Variants in SLCO1B3 observed in about 807,000 individuals in gnomAD.
SLCO1B3 encodes solute carrier organic anion transporter family member 1B3.
SLCO1B3 carries 72 observed loss-of-function variants against 71.8 expected under a neutral mutation model. That is an observed-to-expected ratio of 1.00 (90% CI 0.83 to 1.22). The LOEUF (loss-of-function observed/expected upper bound fraction) is 1.22. Ranked by LOEUF, SLCO1B3 falls within the 50% of genes most tolerant of loss-of-function variation. SLCO1B3 has a pLI of 0.00. For synonymous variants in SLCO1B3, 298 were observed against 278.4 expected (o/e 1.07, Z -0.70); for missense variants, 911 against 819.7 (o/e 1.11, Z -1.36).
At chr12:20,908,645 C>T (rs1221473797) in intron 15 of SLCO1B3, among the ~76,000 whole-genome samples, 2 of 152,168 alleles carry the variant, frequency 1.3e-5, no homozygotes, top group Non-Finnish European at 2.9e-5. Flanking sequence ...CATTTTGTAG[C>T]CTTTTCAGAG....
rs892903423 is a variant in SLCO1B3, at chr12:20,862,431, G to A, written c.501G>A (p.Gly167=). The A allele has an allele frequency of 3.1e-6, 5 of 1,612,302 alleles. No individual in the cohort carries two copies. The African/African-American group carries it at 5.3e-5, about 17-fold the overall frequency. ...CGATAGATTGTGTAAAGGAATCTGG[G>A]TCACACATGTGGATCTATGTCTTCA... ...IVEKDCVKES[G]SHMWIYVFMG... is the part of the protein sequence containing the mutation. The change falls in exon 7 of 16, where the codon GGG becomes GGA. Residue 167 remains glycine (G), a synonymous_variant. Coordinates refer to ENST00000381545, the MANE Select transcript of SLCO1B3 (RefSeq NM_019844.4).
chr12:20,846,192 GAGAATAGTT>G lies in SLCO1B3; in HGVS notation c.85-8826_85-8818del, dbSNP rs1382405893. 6.6e-5 allele frequency among the ~76,000 whole-genome samples: 10 copies of G among 152,032 alleles called. No homozygotes were observed. In the South Asian group the frequency reaches 1.2e-3, roughly 19 times the overall value. ...TGACATTGTTTTCCTTTATATCAAA[GAGAATAGTT>G]AGAATAGTTCTTTCAAAATTCTGGT... is the stretch of plus-strand genomic sequence containing the variant. On this transcript the variant is annotated intron_variant, in intron 3 of 15. Coordinates refer to ENST00000381545, the MANE Select transcript of SLCO1B3 (RefSeq NM_019844.4).
At chr12:20,872,724 ATGT>A (rs1865497299) in intron 8 of SLCO1B3, among the ~76,000 whole-genome samples, 1 of 152,070 alleles carries the variant, frequency 6.6e-6, no homozygotes, top group Admixed American at 6.6e-5. Flanking sequence ...GTGCCTAGAA[ATGT>A]TGTCCATGAG....
intron 3 of SLCO1B3, among the ~76,000 whole-genome samples, chr12:20,836,769 G>C (rs1864690842): frequency 6.6e-6 from 1 of 152,072 alleles, no homozygotes; most frequent in South Asian, 2.1e-4. Context: ...AGCCTCCTGA[G>C]TAGCTGGGAC....
At chr12:20,867,977 A>G (rs553140988) in intron 8 of SLCO1B3, among the ~76,000 whole-genome samples, 1 of 152,224 alleles carries the variant, frequency 6.6e-6, no homozygotes, top group African/African-American at 2.4e-5. Flanking sequence ...TACCTGTTCA[A>G]TGTGAAGAGA....
At chr12:20,837,551 T>C (rs572417463) in intron 3 of SLCO1B3, among the ~76,000 whole-genome samples, 42 of 152,276 alleles carry the variant, frequency 2.8e-4, no homozygotes, top group African/African-American at 9.1e-4. Flanking sequence ...TAAAAACTTA[T>C]CTTGAGATTT....
At chr12:20,897,053 TC>T (rs1866023324) in intron 13 of SLCO1B3, among the ~76,000 whole-genome samples, 1 of 152,096 alleles carries the variant, frequency 6.6e-6, no homozygotes, top group Non-Finnish European at 1.5e-5. Context: ...ACCGGATCCC[TC>T]CCACAACACG....
intron 13 of SLCO1B3, among the ~76,000 whole-genome samples, chr12:20,888,346 A>G (rs1368213529): frequency 2.0e-5 from 3 of 151,262 alleles, no homozygotes; most frequent in African/African-American, 7.3e-5. Context: ...ATGTTTTTCT[A>G]TTTTTTTTGT....
Position 20,862,828 on chromosome 12 carries a change from A to G in SLCO1B3, c.701A>G (p.Tyr234Cys). Residue 234 changes from tyrosine to cysteine, a missense_variant, in exon 8 of 16, where the codon TAC becomes TGC. Coordinates refer to ENST00000381545, the MANE Select transcript of SLCO1B3 (RefSeq NM_019844.4). ...FALGSLFAKM[Y>C]VDIGYVDLST... ...CTGGGATCTCTGTTTGCTAAAATGT[A>G]CGTGGATATTGGATATGTAGATCTG... The G allele has an allele frequency of 6.3e-7, 1 of 1,597,938 alleles. No individual in the cohort carries two copies.
intron 3 of SLCO1B3, among the ~76,000 whole-genome samples, chr12:20,833,612 T>C (rs1864594410): frequency 6.7e-6 from 1 of 148,294 alleles, no homozygotes; most frequent in African/African-American, 2.4e-5. Flanking sequence ...CTATATATAG[T>C]ATATAAAATA....
chr12:20,905,131 T>A (rs187462563), intron 15 of SLCO1B3, among the ~76,000 whole-genome samples: 1 of 152,270 alleles, frequency 6.6e-6, no homozygotes, highest in Admixed American at 6.5e-5. Flanking sequence ...AAGCTGTACC[T>A]TGACTCCCCT....
intron 8 of SLCO1B3, among the ~76,000 whole-genome samples, chr12:20,867,379 T>A (rs1865392957): frequency 6.6e-6 from 1 of 151,984 alleles, no homozygotes. Context: ...TGTGCATAGC[T>A]TCATGGAATT....
chr12:20,842,579 C>T (rs980186436), intron 3 of SLCO1B3, among the ~76,000 whole-genome samples: 3 of 151,892 alleles, frequency 2.0e-5, no homozygotes, highest in African/African-American at 7.3e-5. Flanking sequence ...TTATCAAGAT[C>T]GCATATTTAG....
intron 3 of SLCO1B3, among the ~76,000 whole-genome samples, chr12:20,827,448 A>G (rs1408778296): frequency 6.6e-6 from 1 of 152,218 alleles, no homozygotes; most frequent in Non-Finnish European, 1.5e-5. Context: ...ATATATTTTT[A>G]GTAGTGAAAC....
At chr12:20,910,420 G>A (rs937845299) in intron 15 of SLCO1B3, among the ~76,000 whole-genome samples, 1 of 152,106 alleles carries the variant, frequency 6.6e-6, no homozygotes, top group Non-Finnish European at 1.5e-5. Context: ...CTTAAGTATT[G>A]TCTTGGCTAT....
intron 3 of SLCO1B3, among the ~76,000 whole-genome samples, chr12:20,843,268 T>G (rs1864839969): frequency 6.6e-6 from 1 of 152,166 alleles, no homozygotes; most frequent in Non-Finnish European, 1.5e-5. Context: ...ATTACAAAAT[T>G]ATCAAGTGTT....
chr12:20,895,602 G>T (rs566551200), intron 13 of SLCO1B3, among the ~76,000 whole-genome samples: 7 of 152,090 alleles, frequency 4.6e-5, no homozygotes, highest in Non-Finnish European at 7.4e-5. Flanking sequence ...GCTTTGCAGG[G>T]TATAGCCTCC....
chr12:20,878,678 C>A (rs1234222193), intron 10 of SLCO1B3, among the ~76,000 whole-genome samples: 5 of 152,058 alleles, frequency 3.3e-5, no homozygotes, highest in East Asian at 1.9e-4. Context: ...CCCTGTTGAA[C>A]TGACAGATTT....
intron 3 of SLCO1B3, among the ~76,000 whole-genome samples, chr12:20,818,838 C>T (rs1449775724): frequency 6.6e-6 from 1 of 152,070 alleles, no homozygotes; most frequent in African/African-American, 2.4e-5. Flanking sequence ...TCAGGTGGAT[C>T]AGAGAGATGC....
Sources: allele counts gnomAD v4.1 joint callset (sites outside exome capture counted in the v4.1 genomes callset), GRCh38; gene constraint gnomAD v4.1.1; transcripts MANE v1.5; gene names NCBI Gene and HGNC (gene_info 2026-07-23, HGNC 2026-07-21).